Variants in FBXO16 observed in about 807,000 individuals in gnomAD.
The protein encoded by FBXO16 is F-box protein 16, also known as F-box only protein 16.
In FBXO16, 31 loss-of-function variants were observed where a neutral mutation model predicts 41.0. The observed-to-expected ratio is 0.76, with a 90% confidence interval of 0.57 to 1.02. FBXO16 has a LOEUF of 1.02. FBXO16 is among the 50% of genes least tolerant of loss of function. FBXO16 has a pLI of 0.00. For synonymous variants in FBXO16, 133 were observed against 117.8 expected, an observed-to-expected ratio of 1.13 and a Z score of -0.84; for missense variants, 361 against 346.2, an observed-to-expected ratio of 1.04 and a Z score of -0.34.
chr8:28,465,391 G>A (rs1042864477), intron 3 of FBXO16: 1 of 451,886 alleles, frequency 2.2e-6, no homozygotes, highest in East Asian at 7.2e-5. Flanking sequence ...GGGAGGCAGA[G>A]GCAGGAGAAT....
In FBXO16 at chr8:28,483,341, C is replaced by T. The variant is rs1361661120; in HGVS notation, c.99+7G>A. 1 of 1,600,838 alleles carries T rather than the reference C, an allele frequency of 6.2e-7. No homozygotes were observed. The highest frequency in any genetic ancestry group is 8.5e-7 in the Non-Finnish European group (1 of 1,175,884). ...ATTCAATTGTTAAAATAGTTCTGGTCACTTACCCGGTCATTCAATAGCTGA... is the reference window on the plus strand; with the variant it reads ...ATTCAATTGTTAAAATAGTTCTGGTTACTTACCCGGTCATTCAATAGCTGA... On this transcript the variant is annotated splice_region_variant and intron_variant, in intron 2 of 8. Coordinates refer to ENST00000380254, the MANE Select transcript of FBXO16 (RefSeq NM_172366.4).
At chr8:28,428,799 T>TA (rs1802565514) in intron 8 of FBXO16, 63 bp from the exon 9 acceptor site, 2 of 1,433,748 alleles carry the variant, frequency 1.4e-6, no homozygotes, top group African/African-American at 1.5e-5. Context: ...GCTATCTAGT[T>TA]AAACTTATTT....
chr8:28,478,747 G>A (rs1332794022), intron 2 of FBXO16, among the ~76,000 whole-genome samples: 2 of 151,198 alleles, frequency 1.3e-5, no homozygotes, highest in African/African-American at 2.4e-5. Context: ...CGCTTGAACT[G>A]GGAGGCAGAG....
chr8:28,456,259 T>G (rs1803036737), intron 5 of FBXO16, among the ~76,000 whole-genome samples: 1 of 152,248 alleles, frequency 6.6e-6, no homozygotes, highest in South Asian at 2.1e-4. Context: ...TCTACATTGC[T>G]TAGTTCCTAG....
At chr8:28,451,367 T>C (rs1434245689) in intron 6 of FBXO16, among the ~76,000 whole-genome samples, 1 of 146,866 alleles carries the variant, frequency 6.8e-6, no homozygotes, top group East Asian at 2.0e-4. Context: ...TCTCTTTCTG[T>C]CTCTTTGTTG....
chr8:28,447,110 T>C, intron 7 of FBXO16, 61 bp downstream of exon 7: 1 of 1,457,170 alleles, frequency 6.9e-7, no homozygotes, highest in Non-Finnish European at 9.5e-7. Flanking sequence ...GCAAATAGGA[T>C]TAGAGATCTG....
chr8:28,428,854 A>G, intron 8 of FBXO16, 118 bp from the exon 9 acceptor site: 1 of 1,157,144 alleles, frequency 8.6e-7, no homozygotes, highest in Non-Finnish European at 1.2e-6. Flanking sequence ...GCTGGATGGG[A>G]TTTATTGAGA....
At chr8:28,434,623 T>G (rs1366536839) in intron 7 of FBXO16, among the ~76,000 whole-genome samples, 1 of 152,188 alleles carries the variant, frequency 6.6e-6, no homozygotes, top group Non-Finnish European at 1.5e-5. Flanking sequence ...AAGATTCACC[T>G]CCTCCCTTTA....
At chr8:28,439,853 GA>G (rs57512272) in intron 7 of FBXO16, among the ~76,000 whole-genome samples, 95,916 of 151,612 alleles carry the variant, frequency 0.63, 30,872 homozygotes, top group East Asian at 0.82. Context: ...AGCTTCTGCA[GA>G]AACTCTGTTC....
chr8:28,438,568 T>G (rs1802718401), intron 7 of FBXO16, among the ~76,000 whole-genome samples: 1 of 152,128 alleles, frequency 6.6e-6, no homozygotes. Flanking sequence ...TAGTATGATT[T>G]TTACTGCTGT....
At chr8:28,432,990 G>A (rs1386767133) in intron 7 of FBXO16, among the ~76,000 whole-genome samples, 3 of 151,794 alleles carry the variant, frequency 2.0e-5, no homozygotes, top group Non-Finnish European at 4.4e-5. Context: ...GAACTTGGGA[G>A]GCGGAGGTTG....
Position 28,463,757 on chromosome 8 carries a change from G to C in FBXO16, c.197C>G (p.Ser66Trp). ...ACAGCAGAACTTTTGCTGGGACAGC[G>C]AGCAGCGCTCCAACAGGCCTGTGAG... The part of the protein sequence containing the change: ...RILTGLLERC[S>W]LSQQKFCCRK... Residue 66 changes from serine (S) to tryptophan (W), a missense_variant, in exon 4 of 9, where the codon TCG becomes TGG. Transcript: ENST00000380254. 1.9e-6 allele frequency: 3 copies of C among 1,614,120 alleles called. No individual in the cohort carries two copies. Among genetic ancestry groups the C allele is most frequent in the South Asian group, 1.1e-5 (1 of 91,074 alleles).
At chr8:28,434,767 G>T (rs996799000) in intron 7 of FBXO16, among the ~76,000 whole-genome samples, 1 of 152,212 alleles carries the variant, frequency 6.6e-6, no homozygotes, top group Non-Finnish European at 1.5e-5. Context: ...CCCCTTGCGG[G>T]AGGGAGCATG....
chr8:28,465,319 T>C (rs1803217591), intron 3 of FBXO16: 1 of 420,408 alleles, frequency 2.4e-6, no homozygotes, highest in Non-Finnish European at 4.8e-6. Flanking sequence ...GGGGCAGAAA[T>C]GTGTTGAAGA....
rs746701117 is a variant in FBXO16, at chr8:28,434,151, G to A, written c.844-4748C>T. On this transcript the variant is annotated intron_variant, in intron 7 of 8. Transcript: ENST00000380254. Reference sequence around the variant, plus strand: ...AATTTTTGTATTTTTGGTAGAGACGGGGTTTCACCACGTTGGCCAGGCTGG... The same window carrying A: ...AATTTTTGTATTTTTGGTAGAGACGAGGTTTCACCACGTTGGCCAGGCTGG... Among the ~76,000 whole-genome samples, 128 of 152,058 alleles carry A rather than the reference G, an allele frequency of 8.4e-4. 1 individual carries two copies. Among genetic ancestry groups the A allele is most frequent in the Non-Finnish European group, 1.5e-3 (104 of 68,016 alleles).
At chr8:28,464,945 C>T (rs1186878950) in intron 3 of FBXO16, among the ~76,000 whole-genome samples, 2 of 152,148 alleles carry the variant, frequency 1.3e-5, no homozygotes, top group Non-Finnish European at 2.9e-5. Flanking sequence ...AGCCACTGTG[C>T]CCGGCTATAA....
At position 28,428,732 on chromosome 8, in the gene FBXO16, G is replaced by A. The variant is rs527869972; in HGVS notation, c.874C>T (p.Pro292Ser). Reference protein sequence around the residue: ...MSRRNPFPLCP With the variant: ...MSRRNPFPLCS ...TTTTAGGGGAGAGCTGGCACTTAGG[G>A]ACATCTAGAAAGGAAAAAGGAATCA... Residue 292 changes from proline (P) to serine (S), a missense_variant, in exon 9 of 9, where the codon CCC (proline) becomes TCC (serine). Coordinates refer to ENST00000380254, the MANE Select transcript of FBXO16 (RefSeq NM_172366.4). 8.1e-5 allele frequency: 125 copies of A among 1,546,764 alleles called. No homozygotes were observed. In the South Asian group the frequency reaches 1.5e-3, roughly 19 times the overall value.
At chr8:28,461,383 A>G (rs898339128) in intron 4 of FBXO16, among the ~76,000 whole-genome samples, 3 of 152,194 alleles carry the variant, frequency 2.0e-5, no homozygotes, top group Non-Finnish European at 4.4e-5. Flanking sequence ...TTGTTTCCCC[A>G]CATCCTCACC....
intron 7 of FBXO16, among the ~76,000 whole-genome samples, chr8:28,443,513 T>C (rs1802812369): frequency 6.6e-6 from 1 of 152,168 alleles, no homozygotes; most frequent in African/African-American, 2.4e-5. Flanking sequence ...TCCCCTAAGT[T>C]TGTCCTGCTC....
Sources: gnomAD v4.1 joint callset for allele counts (sites outside exome capture counted in the v4.1 genomes callset) on GRCh38, gnomAD v4.1.1 for gene constraint, MANE v1.5 for transcripts, NCBI Gene and HGNC (gene_info 2026-07-23, HGNC 2026-07-21) for gene names.